Variants in MTMR3 observed in about 807,000 individuals in gnomAD.
MTMR3 encodes the protein myotubularin related protein 3.
A neutral mutation model predicts 132.4 loss-of-function variants in MTMR3; 32 were observed. The observed-to-expected ratio is 0.24, with a 90% CI of 0.18 to 0.32. The LOEUF (loss-of-function observed/expected upper bound fraction) is 0.32, where lower values mean the gene tolerates loss of function less well. MTMR3 is among the 10% of genes least tolerant of loss of function. The pLI, the probability that MTMR3 is intolerant of heterozygous loss-of-function variation, is 1.00. For missense variants in MTMR3, 1,216 were observed against 1,489.6 expected (o/e 0.82, Z 3.02); for synonymous variants, 556 against 550.3 (o/e 1.01, Z -0.14).
At chr22:30,023,709 C>T (rs889157519) in intron 19 of MTMR3, 1 of 558,256 alleles carries the variant, frequency 1.8e-6, no homozygotes. Context: ...AGAGGTCAGC[C>T]AGGCCGTCTT....
In MTMR3 at chr22:30,026,849, G is replaced by A. The variant is rs2067920433; in HGVS notation, c.*1048G>A. 6.5e-6 allele frequency: 1 copy of A among 152,792 alleles called. No individual in the cohort carries two copies. The highest frequency in any genetic ancestry group is 1.5e-5 in the Non-Finnish European group (1 of 68,094). The allele number at this position is 152,792 out of a possible 1,614,324, so 9.5% of individuals were successfully genotyped here. A position where few individuals can be genotyped will look rare whatever the true frequency, so the allele number is the denominator to read the frequency against. On this transcript the variant is annotated 3_prime_UTR_variant, in exon 20 of 20. Coordinates refer to ENST00000401950, the MANE Select transcript of MTMR3 (RefSeq NM_021090.4). Reference sequence around the variant, plus strand: ...TACAAGCCCCTGGAAAAGGGAGCAGGTCCCATACAATCAGCCTTTCTCCTC... The same window carrying A: ...TACAAGCCCCTGGAAAAGGGAGCAGATCCCATACAATCAGCCTTTCTCCTC...
intron 1 of MTMR3, among the ~76,000 whole-genome samples, chr22:29,929,501 T>C (rs1215855950): frequency 6.6e-6 from 1 of 151,978 alleles, no homozygotes; most frequent in African/African-American, 2.4e-5. Flanking sequence ...TCAGGTTTTT[T>C]CTCTCTCATG....
intron 1 of MTMR3, among the ~76,000 whole-genome samples, chr22:29,901,793 C>A (rs772938415): frequency 3.9e-5 from 6 of 152,168 alleles, no homozygotes; most frequent in Non-Finnish European, 8.8e-5. Flanking sequence ...CTCAAGGGAT[C>A]CTCCTGCTTG....
chr22:29,910,502 G>A (rs1395380307), intron 1 of MTMR3, among the ~76,000 whole-genome samples: 1 of 152,116 alleles, frequency 6.6e-6, no homozygotes, highest in Non-Finnish European at 1.5e-5. Flanking sequence ...TCTTGAGAAA[G>A]GAAGCATTTC....
intron 1 of MTMR3, among the ~76,000 whole-genome samples, chr22:29,954,059 C>CTTTTTTTTTT (rs59781649): frequency 2.0e-4 from 16 of 79,426 alleles, no homozygotes; most frequent in East Asian, 4.3e-4. Flanking sequence ...TCAAATGAGT[C>CTTTTTTTTTT]TTTTTTTTTT....
intron 15 of MTMR3, 106 bp downstream of exon 15, chr22:30,016,804 C>T: frequency 1.6e-6 from 2 of 1,289,524 alleles, no homozygotes; most frequent in Non-Finnish European, 2.2e-6. Flanking sequence ...GACATCTCTA[C>T]TGTCTCTGGA....
At chr22:29,946,956 T>C (rs2065965016) in intron 1 of MTMR3, among the ~76,000 whole-genome samples, 1 of 152,154 alleles carries the variant, frequency 6.6e-6, no homozygotes, top group African/African-American at 2.4e-5. Context: ...AGTACTCCCA[T>C]TGAAAAAATA....
At chr22:29,983,785 A>G (rs2066802110) in intron 5 of MTMR3, 1 of 152,026 alleles carries the variant, frequency 6.6e-6, no homozygotes, top group Non-Finnish European at 1.5e-5. Context: ...CTACAGACAC[A>G]TGCCACCGCG....
rs779331272 is a variant in MTMR3, at chr22:29,978,477, G to A, written c.39G>A (p.Gln13=). 1 of 1,613,864 alleles carries A rather than the reference G, an allele frequency of 6.2e-7. No homozygotes were observed. The highest frequency in any genetic ancestry group is 1.1e-5 in the South Asian group (1 of 91,074). The change falls in exon 4 of 20, where the codon CAG becomes CAA. Residue 13 remains glutamine, a synonymous_variant. Coordinates refer to ENST00000401950, the MANE Select transcript of MTMR3 (RefSeq NM_021090.4). The part of the protein sequence containing the change: ...EETRHSLECI[Q]ANQIFPRKQL... Reference sequence around the variant, plus strand: ...CTCGGCACAGCCTTGAGTGCATCCAGGCCAATCAGATCTTTCCCAGGAAGC... The same window carrying A: ...CTCGGCACAGCCTTGAGTGCATCCAAGCCAATCAGATCTTTCCCAGGAAGC...
chr22:30,020,655 G>A lies in MTMR3; in HGVS notation c.2996G>A (p.Gly999Glu), dbSNP rs2067720551. Residue 999 changes from glycine (G) to glutamate (E), a missense_variant, in exon 17 of 20, where the codon GGA (glycine) becomes GAA (glutamate). This residue lies in a region of MTMR3 where 852 missense variants were observed against 852.0 expected (regional missense o/e 1.00). Coordinates refer to ENST00000401950, the MANE Select transcript of MTMR3 (RefSeq NM_021090.4). ...CACAAGTGGCTGCATAGCCACTCAG[G>A]AAGGCCATCTGCAACCAGCAGCCCC... ...LHHKWLHSHS[G>E]RPSATSSPDQ... 1 of 1,614,100 alleles carries A rather than the reference G, an allele frequency of 6.2e-7. No individual in the cohort carries two copies. Among genetic ancestry groups the A allele is most frequent in the African/African-American group, 1.3e-5 (1 of 74,926 alleles).
rs1316943498 is a variant in MTMR3, at chr22:30,027,283, C to T, written c.*1482C>T. ...AGGGAATGCTTAAGCTCTGGCCCTGCCCTGTATTCCTCTTCCCCTTGGTAG... is the reference window on the plus strand; with the variant it reads ...AGGGAATGCTTAAGCTCTGGCCCTGTCCTGTATTCCTCTTCCCCTTGGTAG... On this transcript the variant is annotated 3_prime_UTR_variant, in exon 20 of 20. Coordinates refer to ENST00000401950, the MANE Select transcript of MTMR3 (RefSeq NM_021090.4). The T allele has an allele frequency of 6.5e-6, 1 of 152,806 alleles. No individual in the cohort carries two copies. The highest frequency in any genetic ancestry group is 2.4e-5 in the African/African-American group (1 of 41,430). 9.5% of individuals were successfully genotyped at this position (152,806 alleles called of 1,614,324 possible). A position where few individuals can be genotyped will look rare whatever the true frequency, so the allele number is the denominator to read the frequency against.
chr22:30,013,092 CAA>C, intron 13 of MTMR3: 1 of 284,164 alleles, frequency 3.5e-6, no homozygotes, highest in Non-Finnish European at 6.6e-6. Flanking sequence ...ATAGTGAACA[CAA>C]GAGGCTAAAA....
intron 2 of MTMR3, among the ~76,000 whole-genome samples, chr22:29,958,665 C>T (rs968281092): frequency 6.6e-6 from 1 of 152,164 alleles, no homozygotes; most frequent in African/African-American, 2.4e-5. Context: ...TCTTTCTCTG[C>T]TTTTTGCATT....
At chr22:29,947,710 A>G (rs1304437730) in intron 1 of MTMR3, among the ~76,000 whole-genome samples, 2 of 152,138 alleles carry the variant, frequency 1.3e-5, no homozygotes, top group Admixed American at 6.5e-5. Context: ...CCTTAAGTAA[A>G]GCATGTTGAT....
chr22:29,950,521 G>T lies in MTMR3; in HGVS notation c.-137-6515G>T, dbSNP rs1033361164. ...TGGGATTACAGATGCACACCACCAT[G>T]CCCAGATAATTTTTGTATTTTTAGT... On this transcript the variant is annotated intron_variant, in intron 1 of 19. Transcript: ENST00000401950. Among the ~76,000 whole-genome samples, 32 of 152,024 alleles carry T rather than the reference G, an allele frequency of 2.1e-4. 1 individual carries two copies. Among genetic ancestry groups the T allele is most frequent in the African/African-American group, 7.2e-4 (30 of 41,482 alleles).
chr22:29,917,948 T>C (rs927910750), intron 1 of MTMR3, among the ~76,000 whole-genome samples: 1 of 152,276 alleles, frequency 6.6e-6, no homozygotes, highest in Non-Finnish European at 1.5e-5. Context: ...TTTGAATAGC[T>C]GTCAAGGGAT....
intron 1 of MTMR3, among the ~76,000 whole-genome samples, chr22:29,916,479 G>C (rs2065309988): frequency 6.6e-6 from 1 of 152,110 alleles, no homozygotes; most frequent in Non-Finnish European, 1.5e-5. Flanking sequence ...TTCTGGCTGG[G>C]GTCTGGAAAC....
chr22:29,971,774 G>T (rs780691425), intron 3 of MTMR3, among the ~76,000 whole-genome samples: 3 of 151,964 alleles, frequency 2.0e-5, no homozygotes, highest in Non-Finnish European at 2.9e-5. Context: ...AGAGAAGATG[G>T]AGCAACAAGC....
intron 1 of MTMR3, among the ~76,000 whole-genome samples, chr22:29,941,714 A>G (rs147433315): frequency 4.2e-4 from 64 of 152,342 alleles, no homozygotes; most frequent in Non-Finnish European, 7.6e-4. Flanking sequence ...GTGTCTTTTG[A>G]TAAGTAGAGA....
Sources: allele counts gnomAD v4.1 joint callset (sites outside exome capture counted in the v4.1 genomes callset), GRCh38; gene constraint gnomAD v4.1.1; regional missense constraint gnomAD v4.1.1; transcripts MANE v1.5; gene names NCBI Gene and HGNC (gene_info 2026-07-23, HGNC 2026-07-21).